CFAP74: variants seen among roughly 807,000 people sequenced by gnomAD.
The protein encoded by CFAP74 is cilia- and flagella-associated protein 74.
Under a neutral mutation model 188.9 loss-of-function variants are expected in CFAP74, and 124 were observed. The ratio of observed to expected loss-of-function variants is 0.66; its 90% CI spans 0.57 to 0.76. The LOEUF is 0.76. Ranked by LOEUF, CFAP74 falls within the 30% of genes least tolerant of loss-of-function variation. The probability of loss-of-function intolerance (pLI) is 0.00; values close to 1 mark genes in which losing one functional copy is unlikely to be tolerated. For missense variants in CFAP74, 2,198 were observed against 2,165.2 expected (o/e 1.02, Z -0.30); for synonymous variants, 956 against 916.7 (o/e 1.04, Z -0.77).
intron 14 of CFAP74, among the ~76,000 whole-genome samples, chr1:1,960,742 A>T (rs749660004): frequency 2.0e-5 from 3 of 152,184 alleles, no homozygotes; most frequent in Non-Finnish European, 4.4e-5. Context: ...AAGCTCCTCC[A>T]ATTGGGAGGG....
intron 16 of CFAP74, among the ~76,000 whole-genome samples, chr1:1,957,427 G>T (rs1654723460): frequency 6.6e-6 from 1 of 152,212 alleles, no homozygotes; most frequent in Non-Finnish European, 1.5e-5. Flanking sequence ...TCGGGGTCCA[G>T]CCAAGGGAGG....
chr1:1,941,040 G>A (rs956630843), intron 22 of CFAP74, among the ~76,000 whole-genome samples: 8 of 152,280 alleles, frequency 5.3e-5, no homozygotes, highest in African/African-American at 1.7e-4. Flanking sequence ...GTGAACCCGG[G>A]AGGCAGAGCT....
intron 1 of CFAP74, among the ~76,000 whole-genome samples, chr1:1,996,843 C>T (rs1657938209): frequency 6.7e-6 from 1 of 148,404 alleles, no homozygotes; most frequent in Non-Finnish European, 1.5e-5. Flanking sequence ...ATCGCTTAAA[C>T]TCAGGAGGTG....
intron 27 of CFAP74, among the ~76,000 whole-genome samples, chr1:1,928,529 C>T (rs937457314): frequency 6.6e-6 from 1 of 152,198 alleles, no homozygotes; most frequent in African/African-American, 2.4e-5. Flanking sequence ...CCCTGGGTCA[C>T]AGCCCCTACT....
intron 1 of CFAP74, among the ~76,000 whole-genome samples, chr1:2,000,564 A>C (rs1658158997): frequency 6.6e-6 from 1 of 152,146 alleles, no homozygotes; most frequent in South Asian, 2.1e-4. Flanking sequence ...CCATCGTCTA[A>C]AACCGAGTTG....
intron 6 of CFAP74, among the ~76,000 whole-genome samples, chr1:1,974,732 T>C (rs1218656162): frequency 3.3e-5 from 5 of 152,258 alleles, no homozygotes; most frequent in Non-Finnish European, 7.3e-5. Flanking sequence ...TCCTCGACTG[T>C]GAGTGTGGCG....
Position 1,973,190 on chromosome 1 carries a change from G to GGCT in CFAP74, c.675-144_675-143insAGC. On this transcript the variant is annotated intron_variant, in intron 7 of 38. Transcript: ENST00000682832. The surrounding 1 kb of genome is among the most constrained non-coding windows in gnomAD (Gnocchi z 6.2). ...TGTCCCGCACAGCCTCCCTTGGGGA[G>GGCT]GAGCGAGGGTCCCTGGAGAGCTGAT... is the stretch of plus-strand genomic sequence containing the variant. The GGCT allele has an allele frequency of 1.6e-6, 1 of 621,644 alleles. No individual in the cohort carries two copies. Among genetic ancestry groups the GGCT allele is most frequent in the Non-Finnish European group, 2.8e-6 (1 of 355,832 alleles). The allele number at this position is 621,644 out of a possible 1,614,324, so 38.5% of individuals were successfully genotyped here. A position where few individuals can be genotyped will look rare whatever the true frequency, so the allele number is the denominator to read the frequency against.
intron 1 of CFAP74, among the ~76,000 whole-genome samples, chr1:1,993,637 T>A (rs1032943711): frequency 6.7e-6 from 1 of 150,148 alleles, no homozygotes; most frequent in African/African-American, 2.4e-5. Flanking sequence ...TAACGCCTAT[T>A]AATCACATTG....
At position 1,942,191 on chromosome 1, in the gene CFAP74, C is replaced by G; in HGVS notation, c.2487-35G>C. 1 of 1,461,170 alleles carries G rather than the reference C, an allele frequency of 6.8e-7. No individual in the cohort carries two copies. Among genetic ancestry groups the G allele is most frequent in the South Asian group, 1.4e-5 (1 of 72,674 alleles). 90.5% of individuals were successfully genotyped at this position (1,461,170 alleles called of 1,614,324 possible). On this transcript the variant is annotated intron_variant, in intron 21 of 38. Transcript: ENST00000682832. The surrounding 1 kb of genome is among the most constrained non-coding windows in gnomAD (Gnocchi z 4.3). ...TGTCGCAGGGCACTGGGTCAGGTGC[C>G]ACAGTCGTGATTCTGTGTGCGCTCA...
intron 16 of CFAP74, among the ~76,000 whole-genome samples, chr1:1,957,745 G>A (rs964413193): frequency 6.6e-6 from 1 of 151,398 alleles, no homozygotes; most frequent in Non-Finnish European, 1.5e-5. Flanking sequence ...GAGCAGGAGG[G>A]AGCCGGAGCC....
At chr1:1,988,100 C>T (rs1311303416) in intron 4 of CFAP74, 3 of 472,334 alleles carry the variant, frequency 6.4e-6, no homozygotes, top group African/African-American at 4.0e-5. Flanking sequence ...TGCGCCACCA[C>T]TCTCCGCTGA....
intron 1 of CFAP74, among the ~76,000 whole-genome samples, chr1:1,996,260 C>T (rs545278765): frequency 6.6e-6 from 1 of 152,196 alleles, no homozygotes; most frequent in East Asian, 1.9e-4. Context: ...GCTGGGATTA[C>T]AGGTGTGAAC....
rs1433395219 is a variant in CFAP74 at position 1,942,248 on chromosome 1, C to T, written c.2487-92G>A. Reference sequence around the variant, plus strand: ...GGAGTTATTAAAACATTTCTGGCACCCAAGCCCCCGAGAGGTGCTCAGAGC... The same window carrying T: ...GGAGTTATTAAAACATTTCTGGCACTCAAGCCCCCGAGAGGTGCTCAGAGC... On this transcript the variant is annotated intron_variant, in intron 21 of 38. Transcript: ENST00000682832. The surrounding 1 kb of genome is among the most constrained non-coding windows in gnomAD (Gnocchi z 4.3). 3 of 1,302,306 alleles carry T rather than the reference C, an allele frequency of 2.3e-6. No individual in the cohort carries two copies. The South Asian group carries it at 5.9e-5, about 26-fold the overall frequency. The allele number at this position is 1,302,306 out of a possible 1,614,324, so 80.7% of individuals were successfully genotyped here.
chr1:1,944,844 G>T (rs559576769), intron 20 of CFAP74, among the ~76,000 whole-genome samples: 111 of 152,140 alleles, frequency 7.3e-4, no homozygotes, highest in Admixed American at 1.7e-3. Context: ...TGACCTCAGG[G>T]ATCCACCCAC....
chr1:2,003,616 T>TTTCCCTC, intron 1 of CFAP74, 85 bp downstream of exon 1: 1 of 152,330 alleles, frequency 6.6e-6, no homozygotes, highest in South Asian at 2.1e-4. Context: ...AGGCGTTTCA[T>TTTCCCTC]ATGGGACGGA....
chr1:1,972,881 A>T (rs1174966329), intron 8 of CFAP74, 56 bp downstream of exon 8: 3 of 1,113,236 alleles, frequency 2.7e-6, no homozygotes, highest in Admixed American at 3.6e-5. Flanking sequence ...TCAAGACAAA[A>T]GCAAGTGACC....
intron 10 of CFAP74, 121 bp downstream of exon 10, chr1:1,970,538 T>C: frequency 5.1e-6 from 6 of 1,168,326 alleles, no homozygotes; most frequent in Non-Finnish European, 7.1e-6. Context: ...CACAGCCGCC[T>C]GAGTGGGCGC....
chr1:2,000,119 G>A (rs1254153626), intron 1 of CFAP74, among the ~76,000 whole-genome samples: 2 of 152,054 alleles, frequency 1.3e-5, no homozygotes, highest in Admixed American at 6.5e-5. Context: ...AGCTGAGATC[G>A]TGCCACTGCA....
Position 1,939,731 on chromosome 1 carries a change from T to G in CFAP74, c.2740A>C (p.Thr914Pro). ...GGACTGAGCTCCAGGTCCGAGGTGG[T>G]GACAATGGCATGCACGGTGAATCCC... is the stretch of plus-strand genomic sequence containing the variant. ...PVGFTVHAIV[T>P]TSDLELSPSE... The change falls in exon 24 of 39, where the codon ACC (threonine) becomes CCC (proline). Residue 914 changes from threonine to proline, a missense_variant. Coordinates refer to ENST00000682832, the MANE Select transcript of CFAP74 (RefSeq NM_001304360.2). 15 of 1,536,006 alleles carry G rather than the reference T, an allele frequency of 9.8e-6. No homozygotes were observed. Among genetic ancestry groups the G allele is most frequent in the Non-Finnish European group, 1.3e-5 (15 of 1,146,856 alleles).
Sources: gnomAD v4.1 joint callset for allele counts (sites outside exome capture counted in the v4.1 genomes callset) on GRCh38, gnomAD v4.1.1 for gene constraint, Gnocchi (gnomAD v3.1) non-coding constraint, MANE v1.5 for transcripts, NCBI Gene and HGNC (gene_info 2026-07-23, HGNC 2026-07-21) for gene names.